DPYSL5: variants seen among roughly 807,000 people sequenced by gnomAD.
The protein encoded by DPYSL5 is dihydropyrimidinase-related protein 5.
Under a neutral mutation model 58.4 loss-of-function variants are expected in DPYSL5, and 9 were observed. The observed-to-expected ratio is 0.15, with a 90% CI of 0.09 to 0.27. The LOEUF (loss-of-function observed/expected upper bound fraction) is 0.27, where lower values mean the gene tolerates loss of function less well. Ranked by LOEUF, DPYSL5 falls within the 10% of genes least tolerant of loss-of-function variation. The probability of loss-of-function intolerance (pLI) is 1.00; values close to 1 mark genes in which losing one functional copy is unlikely to be tolerated. For synonymous variants in DPYSL5, 293 were observed against 301.9 expected, an observed-to-expected ratio of 0.97 and a Z score of 0.31; for missense variants, 499 against 770.6, an observed-to-expected ratio of 0.65 and a Z score of 4.17.
chr2:26,932,177 A>AAGAAAGAC (rs1553321105), intron 6 of DPYSL5, among the ~76,000 whole-genome samples: 20 of 78,598 alleles, frequency 2.5e-4, no homozygotes, highest in East Asian at 3.8e-4. Context: ...GAAAGAAAGA[A>AAGAAAGAC]AGAAAGAAAG....
chr2:26,887,131 TTGTG>T (rs1663738994), intron 1 of DPYSL5, among the ~76,000 whole-genome samples: 1 of 152,242 alleles, frequency 6.6e-6, no homozygotes, highest in East Asian at 1.9e-4. Context: ...TATAACAGTC[TTGTG>T]TGTTTTTGAT....
At chr2:26,899,223 T>C (rs954222972) in intron 2 of DPYSL5, among the ~76,000 whole-genome samples, 2 of 152,150 alleles carry the variant, frequency 1.3e-5, no homozygotes, top group Non-Finnish European at 2.9e-5. Context: ...TTGCTTGTTA[T>C]TTTTAAAAAC....
intron 1 of DPYSL5, among the ~76,000 whole-genome samples, chr2:26,873,375 C>T (rs988315931): frequency 4.6e-5 from 7 of 152,170 alleles, no homozygotes; most frequent in Admixed American, 3.9e-4. Flanking sequence ...CCCTCACCCC[C>T]CTGGCAATCA....
chr2:26,881,033 G>T (rs1663546527), intron 1 of DPYSL5, among the ~76,000 whole-genome samples: 1 of 152,208 alleles, frequency 6.6e-6, no homozygotes. Flanking sequence ...AGGAAATCGT[G>T]TGTGAGCTCT....
In DPYSL5 at chr2:26,871,285, T is replaced by C. The variant is rs867443149; in HGVS notation, c.-5+23031T>C. The stretch of plus-strand genomic sequence containing the variant: ...TGAGTTGCTTACTTATCCCTTCCCA[T>C]CATTTTTATAATGGAACACCATCTG... On this transcript the variant is annotated intron_variant, in intron 1 of 12. Transcript: ENST00000288699. 3.3e-5 allele frequency among the ~76,000 whole-genome samples: 5 copies of C among 152,316 alleles called. No individual in the cohort carries two copies. In the Middle Eastern group the frequency reaches 0.014, roughly 414 times the overall value.
At chr2:26,938,489 G>A (rs1255722357) in intron 8 of DPYSL5, 4 of 152,286 alleles carry the variant, frequency 2.6e-5, no homozygotes, top group African/African-American at 7.2e-5. Flanking sequence ...GCAAGGGCCA[G>A]AGCAGCCTCT....
At chr2:26,895,775 C>CTTTTTTTTTTTTTTTTTTTTTT (rs869030530) in intron 1 of DPYSL5, among the ~76,000 whole-genome samples, 1 of 101,086 alleles carries the variant, frequency 9.9e-6, no homozygotes, top group Non-Finnish European at 2.0e-5. Flanking sequence ...ATTTCTTTTT[C>CTTTTTTTTTTTTTTTTTTTTTT]TTTTTTTTTT....
Position 26,905,721 on chromosome 2 carries a change from G to A in DPYSL5, c.261+6961G>A, listed in dbSNP as rs1165959495. Among the ~76,000 whole-genome samples, 1 of 152,160 alleles carries A rather than the reference G, an allele frequency of 6.6e-6. No individual in the cohort carries two copies. The highest frequency in any genetic ancestry group is 2.4e-5 in the African/African-American group (1 of 41,420). On this transcript the variant is annotated intron_variant, in intron 2 of 12. Coordinates refer to ENST00000288699, the MANE Select transcript of DPYSL5 (RefSeq NM_020134.4). The surrounding 1 kb of genome is among the most constrained non-coding windows in gnomAD (Gnocchi z 4.0). ...AGTGACTTCCCCTCCCCTGCCACCT[G>A]GAGGACATCCCTCTACCCCCTCCAT...
chr2:26,882,838 A>G lies in DPYSL5; in HGVS notation c.-4-15658A>G, dbSNP rs901196987. 4.0e-5 allele frequency among the ~76,000 whole-genome samples: 6 copies of G among 150,962 alleles called. No homozygotes were observed. The South Asian group carries it at 6.3e-4, about 16-fold the overall frequency. The stretch of plus-strand genomic sequence containing the variant: ...TGAGGTGGGAGAATCACTTGAACCC[A>G]GGAGGCAGAGGTTGCAGTGAGCCGA... On this transcript the variant is annotated intron_variant, in intron 1 of 12. Transcript: ENST00000288699.
chr2:26,871,528 T>C (rs1399653546), intron 1 of DPYSL5, among the ~76,000 whole-genome samples: 2 of 152,100 alleles, frequency 1.3e-5, no homozygotes, highest in Non-Finnish European at 2.9e-5. Context: ...CTGCAGCCTC[T>C]GCCTCTCAGG....
chr2:26,936,546 G>A (rs1167569477), intron 8 of DPYSL5, among the ~76,000 whole-genome samples: 1 of 152,192 alleles, frequency 6.6e-6, no homozygotes, highest in Non-Finnish European at 1.5e-5. Context: ...CATAGCCTTG[G>A]TGGGTGCCAG....
intron 1 of DPYSL5, among the ~76,000 whole-genome samples, chr2:26,865,560 G>A (rs963050999): frequency 8.6e-5 from 13 of 151,952 alleles, no homozygotes; most frequent in South Asian, 6.2e-4. Flanking sequence ...TGATCCTTCC[G>A]TCTTGGCCTC....
chr2:26,896,492 C>T (rs997160626), intron 1 of DPYSL5, among the ~76,000 whole-genome samples: 1 of 152,212 alleles, frequency 6.6e-6, no homozygotes, highest in Non-Finnish European at 1.5e-5. Context: ...TACTAATTTA[C>T]ATTCCCACCA....
intron 8 of DPYSL5, chr2:26,939,817 A>G (rs1572720561): frequency 3.5e-6 from 2 of 567,934 alleles, no homozygotes; most frequent in Non-Finnish European, 6.2e-6. Context: ...CCTGTGACAC[A>G]GACAGACTGT....
At chr2:26,876,762 C>A (rs922853543) in intron 1 of DPYSL5, among the ~76,000 whole-genome samples, 4 of 151,832 alleles carry the variant, frequency 2.6e-5, no homozygotes, top group Non-Finnish European at 5.9e-5. Flanking sequence ...GTGATCCGCC[C>A]ACCTCGGCCT....
chr2:26,900,567 T>C (rs1215196342), intron 2 of DPYSL5, among the ~76,000 whole-genome samples: 1 of 152,214 alleles, frequency 6.6e-6, no homozygotes, highest in Non-Finnish European at 1.5e-5. Flanking sequence ...TCAGCAAACA[T>C]GTCTGTACAC....
At chr2:26,852,204 G>A (rs1429082844) in intron 1 of DPYSL5, among the ~76,000 whole-genome samples, 2 of 152,194 alleles carry the variant, frequency 1.3e-5, no homozygotes, top group South Asian at 2.1e-4. Flanking sequence ...ATGAAGTCCT[G>A]TAGGGAAAAC....
chr2:26,868,090 T>G (rs1663154715), intron 1 of DPYSL5, among the ~76,000 whole-genome samples: 1 of 152,186 alleles, frequency 6.6e-6, no homozygotes, highest in Admixed American at 6.6e-5. Flanking sequence ...GTATTTGCAT[T>G]TCCTTGACTA....
chr2:26,875,359 AGGC>A (rs1663384788), intron 1 of DPYSL5, among the ~76,000 whole-genome samples: 1 of 152,234 alleles, frequency 6.6e-6, no homozygotes, highest in African/African-American at 2.4e-5. Flanking sequence ...GTGGGAGTGC[AGGC>A]ACAGGTAGTG....
Sources: gnomAD v4.1 joint callset for allele counts (sites outside exome capture counted in the v4.1 genomes callset) on GRCh38, gnomAD v4.1.1 for gene constraint, Gnocchi (gnomAD v3.1) non-coding constraint, MANE v1.5 for transcripts, NCBI Gene and HGNC (gene_info 2026-07-23, HGNC 2026-07-21) for gene names.